Variants in TMEM179B observed in about 807,000 individuals in gnomAD.
TMEM179B encodes transmembrane protein 179B.
Under a neutral mutation model 18.0 loss-of-function variants are expected in TMEM179B, and 13 were observed. That is an observed-to-expected ratio of 0.72 (90% CI 0.47 to 1.15). The LOEUF is 1.15. Among genes scored for constraint, TMEM179B ranks in the 50% most tolerant of loss-of-function variants. The pLI is 0.00. For synonymous variants in TMEM179B, 159 were observed against 117.5 expected (o/e 1.35, Z -2.29); for missense variants, 320 against 270.6 (o/e 1.18, Z -1.28).
intron 1 of TMEM179B, 66 bp from the exon 2 acceptor site, chr11:62,788,957 C>T (rs1003279399): frequency 2.7e-6 from 4 of 1,506,346 alleles, no homozygotes; most frequent in African/African-American, 2.8e-5. Context: ...TCACTAACAC[C>T]CTACCAAGAG....
chr11:62,787,872 A>T (rs1247713781), intron 1 of TMEM179B: 2 of 586,784 alleles, frequency 3.4e-6, no homozygotes, highest in African/African-American at 1.8e-5. Context: ...ATCAGAAGCC[A>T]TTTGTGCTGA....
Position 62,789,666 on chromosome 11 carries a change from T to C in TMEM179B, c.485T>C (p.Leu162Pro). Residue 162 changes from leucine to proline, a missense_variant, in exon 4 of 5, where the codon CTA (leucine) becomes CCA (proline). By Grantham distance (98) the Leu-to-Pro change is moderately conservative (BLOSUM62 -3). Coordinates refer to ENST00000333449, the MANE Select transcript of TMEM179B (RefSeq NM_199337.3). ...PGTALQFYSN[L>P]HNAETSSWVN... Reference sequence around the variant, plus strand: ...ACTGCTCTGCAGTTTTACTCCAACCTACACAATGCTGAAGTGAGACCCAAG... The same window carrying C: ...ACTGCTCTGCAGTTTTACTCCAACCCACACAATGCTGAAGTGAGACCCAAG... 6.5e-7 allele frequency: 1 copy of C among 1,547,006 alleles called. No homozygotes were observed. The highest frequency in any genetic ancestry group is 8.7e-7 in the Non-Finnish European group (1 of 1,151,200).
chr11:62,790,312 G>C lies in TMEM179B; in HGVS notation c.*265G>C, dbSNP rs1190069923. ...AAGGAGTGAAGGCTAAGCAGACATG[G>C]ACTGAAACTTAGAGGTACTGTTAGG... On this transcript the variant is annotated 3_prime_UTR_variant, in exon 5 of 5. Transcript: ENST00000333449. 8 of 544,944 alleles carry C rather than the reference G, an allele frequency of 1.5e-5. No homozygotes were observed. Among genetic ancestry groups the C allele is most frequent in the Non-Finnish European group, 2.2e-5 (7 of 314,420 alleles). The allele number at this position is 544,944 out of a possible 1,614,324, so 33.8% of individuals were successfully genotyped here.
At chr11:62,788,919 C>A in intron 1 of TMEM179B, 104 bp from the exon 2 acceptor site, 2 of 1,262,434 alleles carry the variant, frequency 1.6e-6, no homozygotes, top group Middle Eastern at 2.0e-4. Context: ...CAAATAACTT[C>A]CTGGAATGCA....
chr11:62,789,827 G>A (rs2084337143), intron 4 of TMEM179B, 59 bp from the exon 5 acceptor site: 2 of 1,578,366 alleles, frequency 1.3e-6, no homozygotes, highest in Non-Finnish European at 1.7e-6. Context: ...GTGTGTGGGT[G>A]GGAAGGACTG....
At chr11:62,787,734 C>G in intron 1 of TMEM179B, 2 of 698,986 alleles carry the variant, frequency 2.9e-6, no homozygotes, top group Non-Finnish European at 4.8e-6. Flanking sequence ...GAAGTTGTCC[C>G]CTCGCCAAAG....
Position 62,789,326 on chromosome 11 carries a change from T to A in TMEM179B, c.319T>A (p.Ser107Thr). ...AGGGCTGCGCATTGCACTGGCCATC[T>A]CAGCTATAGCCGTCTTCCTGGTCTT... ...AIGLRIALAI[S>T]AIAVFLVLVS... Residue 107 changes from serine (S) to threonine (T), a missense_variant, in exon 3 of 5, where the codon TCA becomes ACA. Physicochemically the swap from Ser to Thr is moderately conservative, Grantham distance 58. Coordinates refer to ENST00000333449, the MANE Select transcript of TMEM179B (RefSeq NM_199337.3). The A allele has an allele frequency of 6.2e-7, 1 of 1,614,020 alleles. No individual in the cohort carries two copies. Among genetic ancestry groups the A allele is most frequent in the Non-Finnish European group, 8.5e-7 (1 of 1,180,004 alleles).
chr11:62,789,582 T>C lies in TMEM179B; in HGVS notation c.420-19T>C. ...ATAAACTATCACGCTTTCTCACAAC[T>C]GTCTCTTTGACCTCACAGCTGTTCT... On this transcript the variant is annotated intron_variant, in intron 3 of 4. Transcript: ENST00000333449. 1 of 1,549,696 alleles carries C rather than the reference T, an allele frequency of 6.5e-7. No homozygotes were observed. Among genetic ancestry groups the C allele is most frequent in the African/African-American group, 1.4e-5 (1 of 72,854 alleles).
At position 62,789,229 on chromosome 11, in the gene TMEM179B, G is replaced by T; in HGVS notation, c.284+19G>T. The T allele has an allele frequency of 6.2e-7, 1 of 1,613,922 alleles. No individual in the cohort carries two copies. Among genetic ancestry groups the T allele is most frequent in the Non-Finnish European group, 8.5e-7 (1 of 1,179,828 alleles). On this transcript the variant is annotated intron_variant, in intron 2 of 4. Transcript: ENST00000333449. ...CCCACAGGTGACTGCCTAACCCTGA[G>T]GGCCAGGGGCTGAGGTAGGATGAGC...
At position 62,787,488 on chromosome 11, in the gene TMEM179B, G is replaced by T. The variant is rs1279321682; in HGVS notation, c.57G>T (p.Leu19=). 1.3e-6 allele frequency: 2 copies of T among 1,579,912 alleles called. No individual in the cohort carries two copies. The highest frequency in any genetic ancestry group is 3.4e-5 in the Admixed American group (2 of 58,184). ...TTGCGCTCTTTGCTGCCGCCTTCCT[G>T]TGCGGGGCCGTGGCGGCCGCGGCGA... ...VELALFAAAF[L]CGAVAAAAMT... is the part of the protein sequence containing the mutation. The change falls in exon 1 of 5, where the codon CTG becomes CTT. Residue 19 remains leucine, a synonymous_variant. Coordinates refer to ENST00000333449, the MANE Select transcript of TMEM179B (RefSeq NM_199337.3).
intron 1 of TMEM179B, among the ~76,000 whole-genome samples, chr11:62,788,260 G>C (rs1485896120): frequency 6.6e-6 from 1 of 151,792 alleles, no homozygotes; most frequent in African/African-American, 2.4e-5. Context: ...AAAATTAGCC[G>C]GGTGTGGTGG....
At chr11:62,788,137 TCA>T (rs1461565314) in intron 1 of TMEM179B, among the ~76,000 whole-genome samples, 1 of 152,250 alleles carries the variant, frequency 6.6e-6, no homozygotes, top group Non-Finnish European at 1.5e-5. Flanking sequence ...GCGCGGTGAC[TCA>T]CGCCTGTAAT....
At position 62,789,128 on chromosome 11, in the gene TMEM179B, G is replaced by A. The variant is rs911734718; in HGVS notation, c.202G>A (p.Gly68Arg). The A allele has an allele frequency of 3.7e-6, 6 of 1,613,900 alleles. No individual in the cohort carries two copies. In the African/African-American group the frequency reaches 6.7e-5, roughly 18 times the overall value. ...ACCATCCCTGTGCTACTTTGTAGCT[G>A]GGGCCTCTGGCCTCTTGGCCCTCTA... Reference protein sequence around the residue: ...SAPSLCYFVAGASGLLALYCL... With the variant: ...SAPSLCYFVARASGLLALYCL... The change falls in exon 2 of 5, where the codon GGG becomes AGG. Residue 68 changes from glycine (G) to arginine (R), a missense_variant. By Grantham distance (125) the Gly-to-Arg change is moderately radical (BLOSUM62 -2). Coordinates refer to ENST00000333449, the MANE Select transcript of TMEM179B (RefSeq NM_199337.3).
At position 62,789,998 on chromosome 11, in the gene TMEM179B, G is replaced by A. The variant is rs777945719; in HGVS notation, c.611G>A (p.Trp204Ter). The change falls in exon 5 of 5, where the codon TGG becomes TAG. Residue 204 changes from tryptophan (W) to a stop codon, truncating the protein, a stop_gained. Coordinates refer to ENST00000333449, the MANE Select transcript of TMEM179B (RefSeq NM_199337.3). LOFTEE classifies it high-confidence loss of function. ...CCTCTGGAGAGGGGTGACCCTGAGT[G>A]GAGCTCTGAGACAGATGCTCTCGTT... is the stretch of plus-strand genomic sequence containing the variant. Reference protein sequence around the residue: ...YRPLERGDPEWSSETDALVGS... With the variant: ...YRPLERGDPE The A allele has an allele frequency of 1.5e-5, 24 of 1,614,000 alleles. No homozygotes were observed. Among genetic ancestry groups the A allele is most frequent in the African/African-American group, 5.3e-5 (4 of 74,924 alleles).
intron 1 of TMEM179B, chr11:62,788,065 C>A: frequency 2.2e-6 from 1 of 447,198 alleles, no homozygotes; most frequent in Non-Finnish European, 4.5e-6. Flanking sequence ...TCATTTAATG[C>A]CTATAAAGTA....
At chr11:62,787,841 G>A in intron 1 of TMEM179B, 1 of 646,694 alleles carries the variant, frequency 1.5e-6, no homozygotes, top group Non-Finnish European at 2.9e-6. Flanking sequence ...AGTCAGTGCA[G>A]AACCTGCGTC....
chr11:62,789,506 C>T (rs2084332991), intron 3 of TMEM179B, 80 bp downstream of exon 3: 2 of 1,597,908 alleles, frequency 1.3e-6, no homozygotes, highest in Non-Finnish European at 1.7e-6. Context: ...CCTTTTATCC[C>T]CATCAGTTGC....
At chr11:62,787,780 G>A in intron 1 of TMEM179B, 1 of 682,862 alleles carries the variant, frequency 1.5e-6, no homozygotes, top group Non-Finnish European at 2.7e-6. Context: ...ACTAGGTGGA[G>A]TCGGGTTTCG....
chr11:62,789,914 G>T lies in TMEM179B; in HGVS notation c.527G>T (p.Trp176Leu). The T allele has an allele frequency of 1.2e-6, 2 of 1,614,076 alleles. No homozygotes were observed. The highest frequency in any genetic ancestry group is 1.7e-6 in the Non-Finnish European group (2 of 1,179,966). ...TCTTCTTGGGTGAATTTGGTATTGT[G>T]GTGTGTGGTCTTGGTGCTCCAGGTC... Reference protein sequence around the residue: ...ETSSWVNLVLWCVVLVLQVVQ... With the variant: ...ETSSWVNLVLLCVVLVLQVVQ... Residue 176 changes from tryptophan to leucine, a missense_variant, in exon 5 of 5, where the codon TGG becomes TTG. Transcript: ENST00000333449.
Sources: allele counts gnomAD v4.1 joint callset (sites outside exome capture counted in the v4.1 genomes callset), GRCh38; gene constraint gnomAD v4.1.1; transcripts MANE v1.5; gene names NCBI Gene and HGNC (gene_info 2026-07-23, HGNC 2026-07-21).